KCNS3: variants seen among roughly 807,000 people sequenced by gnomAD.
KCNS3 encodes the protein potassium voltage-gated channel modifier subfamily S member 3, also known as delayed-rectifier potassium channel regulatory subunit KCNS3.
A neutral mutation model predicts 31.0 loss-of-function variants in KCNS3; 13 were observed. That is an observed-to-expected ratio of 0.42 (90% confidence interval 0.27 to 0.67). The LOEUF is 0.67. KCNS3 is among the 30% of genes least tolerant of loss of function. KCNS3 has a pLI of 0.25. For synonymous variants in KCNS3, 238 were observed against 241.5 expected, an observed-to-expected ratio of 0.99 and a Z score of 0.13; for missense variants, 545 against 622.4, an observed-to-expected ratio of 0.88 and a Z score of 1.32.
At position 17,931,792 on chromosome 2, in the gene KCNS3, T is replaced by C. The variant is rs1292608854; in HGVS notation, c.784T>C (p.Ser262Pro). ...CCCTCTGAACATCATTGACTTTGTCTCTATTATTCCCTTCTATGCCACGTT... is the reference window on the plus strand; with the variant it reads ...CCCTCTGAACATCATTGACTTTGTCCCTATTATTCCCTTCTATGCCACGTT... ...KNPLNIIDFV[S>P]IIPFYATLAV... Residue 262 changes from serine to proline, a missense_variant, in exon 3 of 3, where the codon TCT (serine) becomes CCT (proline). Coordinates refer to ENST00000304101, the MANE Select transcript of KCNS3 (RefSeq NM_002252.5). The surrounding 1 kb of genome is among the most constrained non-coding windows in gnomAD (Gnocchi z 5.4). 1.2e-6 allele frequency: 2 copies of C among 1,614,024 alleles called. No homozygotes were observed. Among genetic ancestry groups the C allele is most frequent in the Non-Finnish European group, 1.7e-6 (2 of 1,180,010 alleles).
In KCNS3 at chr2:17,892,531, T is replaced by C. The variant is rs1212770192; in HGVS notation, c.-252+13725T>C. Reference sequence around the variant, plus strand: ...GCCTTGTTTTGTTATAGTACCAGAGTTGATTTTCTGGTTCCTTCTCCTTTG... The same window carrying C: ...GCCTTGTTTTGTTATAGTACCAGAGCTGATTTTCTGGTTCCTTCTCCTTTG... On this transcript the variant is annotated intron_variant, in intron 1 of 2. Coordinates refer to ENST00000304101, the MANE Select transcript of KCNS3 (RefSeq NM_002252.5). 4.6e-5 allele frequency among the ~76,000 whole-genome samples: 7 copies of C among 152,156 alleles called. No homozygotes were observed. In the East Asian group the frequency reaches 1.2e-3, roughly 25 times the overall value.
intron 1 of KCNS3, among the ~76,000 whole-genome samples, chr2:17,905,801 G>C: frequency 6.6e-6 from 1 of 152,170 alleles, no homozygotes; most frequent in Non-Finnish European, 1.5e-5. Context: ...TTGCATCCCA[G>C]GGATGAAGCC....
In KCNS3 at chr2:17,931,041, A is replaced by G. The variant is rs1253683403; in HGVS notation, c.33A>G (p.Gly11=). 2 of 1,613,816 alleles carry G rather than the reference A, an allele frequency of 1.2e-6. No homozygotes were observed. The highest frequency in any genetic ancestry group is 2.7e-5 in the African/African-American group (2 of 74,864). The change falls in exon 3 of 3, where the codon GGA becomes GGG. Residue 11 remains glycine, a synonymous_variant. Transcript: ENST00000304101. The surrounding 1 kb of genome is among the most constrained non-coding windows in gnomAD (Gnocchi z 5.4). The part of the protein sequence containing the change: MVFGEFFHRP[G]QDEELVNLNV... ...TTGGTGAGTTTTTCCATCGCCCTGGACAAGACGAGGAACTTGTCAACCTGA... is the reference window on the plus strand; with the variant it reads ...TTGGTGAGTTTTTCCATCGCCCTGGGCAAGACGAGGAACTTGTCAACCTGA...
Position 17,888,670 on chromosome 2 carries a change from T to TATATATAA in KCNS3, c.-252+9867_-252+9868insTATAAATA, listed in dbSNP as rs1256591810. 2.0e-3 allele frequency among the ~76,000 whole-genome samples: 253 copies of TATATATAA among 129,010 alleles called. 1 individual carries two copies. Among genetic ancestry groups the TATATATAA allele is most frequent in the Non-Finnish European group, 3.5e-3 (211 of 59,724 alleles). 84.6% of individuals were successfully genotyped at this position (129,010 alleles called of 152,430 possible). On this transcript the variant is annotated intron_variant, in intron 1 of 2. Transcript: ENST00000304101. The stretch of plus-strand genomic sequence containing the variant: ...ATATATATATATATATATATATATA[T>TATATATAA]ATAAAGAAAAGGGTGTTCTTTCCCC...
chr2:17,908,576 C>T (rs1180490207), intron 1 of KCNS3, among the ~76,000 whole-genome samples: 1 of 152,062 alleles, frequency 6.6e-6, no homozygotes, highest in East Asian at 1.9e-4. Context: ...CTGTTTTTTC[C>T]CCATCTTTGT....
chr2:17,932,638 A>G lies in KCNS3; in HGVS notation c.*154A>G. On this transcript the variant is annotated 3_prime_UTR_variant, in exon 3 of 3. Transcript: ENST00000304101. ...CATTGCTGAATTCTGAAATGATAGA[A>G]TTGTCTTTATTTTTCTCTGTGAGGT... 1.3e-6 allele frequency: 1 copy of G among 754,666 alleles called. No individual in the cohort carries two copies. The highest frequency in any genetic ancestry group is 2.3e-5 in the South Asian group (1 of 44,308). 46.7% of individuals were successfully genotyped at this position (754,666 alleles called of 1,614,324 possible). A position where few individuals can be genotyped will look rare whatever the true frequency, so the allele number is the denominator to read the frequency against.
chr2:17,898,462 G>A (rs1377167066), intron 1 of KCNS3, among the ~76,000 whole-genome samples: 6 of 152,010 alleles, frequency 3.9e-5, no homozygotes, highest in Non-Finnish European at 1.5e-5. Context: ...CCTCAGAAGG[G>A]CCCTGACTCC....
At chr2:17,904,242 C>T (rs1481571709) in intron 1 of KCNS3, among the ~76,000 whole-genome samples, 1 of 152,332 alleles carries the variant, frequency 6.6e-6, no homozygotes, top group South Asian at 2.1e-4. Flanking sequence ...TGTCTTTTGG[C>T]TGCATAAATG....
In KCNS3 at chr2:17,889,939, T is replaced by A. The variant is rs199781565; in HGVS notation, c.-252+11133T>A. 2.6e-5 allele frequency among the ~76,000 whole-genome samples: 4 copies of A among 152,220 alleles called. No homozygotes were observed. The East Asian group carries it at 7.7e-4, about 29-fold the overall frequency. On this transcript the variant is annotated intron_variant, in intron 1 of 2. Coordinates refer to ENST00000304101, the MANE Select transcript of KCNS3 (RefSeq NM_002252.5). ...TGGTATTAGGGTGATCCTTGCTTCA[T>A]AGAATGAATTAGGGAGGATTCCTTC...
intron 1 of KCNS3, among the ~76,000 whole-genome samples, chr2:17,912,517 T>C (rs931705373): frequency 6.6e-5 from 10 of 152,194 alleles, no homozygotes; most frequent in African/African-American, 2.4e-4. Flanking sequence ...TCAGTGACTG[T>C]GTTGTACTTC....
intron 1 of KCNS3, among the ~76,000 whole-genome samples, chr2:17,903,143 A>G (rs1322978113): frequency 6.6e-6 from 1 of 152,172 alleles, no homozygotes; most frequent in Non-Finnish European, 1.5e-5. Context: ...TTTCATACAG[A>G]ATGGAAGCAG....
intron 2 of KCNS3, among the ~76,000 whole-genome samples, chr2:17,924,323 T>G (rs1422700730): frequency 1.3e-5 from 2 of 152,182 alleles, no homozygotes; most frequent in East Asian, 3.9e-4. Flanking sequence ...TAACTTTTCC[T>G]TTTCAGTCTG....
At chr2:17,910,042 C>T (rs1662434503) in intron 1 of KCNS3, among the ~76,000 whole-genome samples, 1 of 152,166 alleles carries the variant, frequency 6.6e-6, no homozygotes, top group Non-Finnish European at 1.5e-5. Context: ...CTATGGACCC[C>T]TTTTCAGAAT....
intron 1 of KCNS3, among the ~76,000 whole-genome samples, chr2:17,882,624 G>A (rs1448021263): frequency 2.6e-5 from 4 of 152,198 alleles, no homozygotes; most frequent in Non-Finnish European, 5.9e-5. Context: ...GGAGGCAGGG[G>A]ATGGGGAGTA....
chr2:17,881,545 C>T (rs1039163605), intron 1 of KCNS3, among the ~76,000 whole-genome samples: 7 of 152,230 alleles, frequency 4.6e-5, no homozygotes, highest in African/African-American at 1.7e-4. Flanking sequence ...TATGAACTCA[C>T]TTCATCCTGA....
At chr2:17,911,057 C>T (rs1224916058) in intron 1 of KCNS3, among the ~76,000 whole-genome samples, 1 of 152,120 alleles carries the variant, frequency 6.6e-6, no homozygotes, top group Admixed American at 6.5e-5. Context: ...ATACCTGACT[C>T]GCTCTTCAAG....
At chr2:17,920,211 A>G (rs778936463) in intron 2 of KCNS3, among the ~76,000 whole-genome samples, 6 of 152,226 alleles carry the variant, frequency 3.9e-5, no homozygotes, top group Non-Finnish European at 8.8e-5. Context: ...AAGGAAAAAC[A>G]AATCTGGGTT....
chr2:17,894,783 A>ACGT (rs1481338293), intron 1 of KCNS3, among the ~76,000 whole-genome samples: 1 of 152,214 alleles, frequency 6.6e-6, no homozygotes, highest in African/African-American at 2.4e-5. Context: ...GAGCCGGCTA[A>ACGT]CATCACTGCT....
At chr2:17,911,376 C>T (rs1662468022) in intron 1 of KCNS3, among the ~76,000 whole-genome samples, 1 of 152,192 alleles carries the variant, frequency 6.6e-6, no homozygotes, top group African/African-American at 2.4e-5. Context: ...TGGCTGGGGG[C>T]TGGGGATCCT....
Sources: allele counts gnomAD v4.1 joint callset (sites outside exome capture counted in the v4.1 genomes callset), GRCh38; gene constraint gnomAD v4.1.1; non-coding constraint Gnocchi (gnomAD v3.1); transcripts MANE v1.5; gene names NCBI Gene and HGNC (gene_info 2026-07-23, HGNC 2026-07-21).